The following HS3ST4 variants were observed in gnomAD, a reference collection of about 807,000 sequenced individuals.
HS3ST4 encodes heparan sulfate glucosamine 3-O-sulfotransferase 4.
In HS3ST4, 17 loss-of-function variants were observed where a neutral mutation model predicts 29.2. That is an observed-to-expected ratio of 0.58 (90% CI 0.40 to 0.87). The LOEUF is 0.87. Ranked by LOEUF, HS3ST4 falls within the 40% of genes least tolerant of loss-of-function variation. The pLI is 0.00. For missense variants in HS3ST4, 627 were observed against 634.5 expected, an observed-to-expected ratio of 0.99 and a Z score of 0.13; for synonymous variants, 314 against 285.7, an observed-to-expected ratio of 1.10 and a Z score of -1.00.
At chr16:25,749,926 A>G (rs1567232442) in intron 1 of HS3ST4, among the ~76,000 whole-genome samples, 1 of 152,210 alleles carries the variant, frequency 6.6e-6, no homozygotes, top group Non-Finnish European at 1.5e-5. Context: ...TATAACACAT[A>G]CTATTCTGGC....
chr16:25,765,710 A>G (rs868056270), intron 1 of HS3ST4, among the ~76,000 whole-genome samples: 1 of 152,216 alleles, frequency 6.6e-6, no homozygotes, highest in South Asian at 2.1e-4. Flanking sequence ...ACTTAGTCGC[A>G]TCACCTGCTA....
intron 1 of HS3ST4, among the ~76,000 whole-genome samples, chr16:25,709,900 G>A (rs1366857939): frequency 1.3e-5 from 2 of 152,090 alleles, no homozygotes; most frequent in Admixed American, 6.6e-5. Context: ...AAGGAATTGT[G>A]TATCTTACAA....
At chr16:25,779,401 G>A (rs76271578) in intron 1 of HS3ST4, among the ~76,000 whole-genome samples, 2,874 of 152,308 alleles carry the variant, frequency 0.019, 97 homozygotes, top group African/African-American at 0.064. Context: ...TGGCTGAGTA[G>A]GATCCAAGGC....
intron 1 of HS3ST4, among the ~76,000 whole-genome samples, chr16:25,913,346 C>T (rs1968258708): frequency 6.6e-6 from 1 of 152,232 alleles, no homozygotes; most frequent in African/African-American, 2.4e-5. Context: ...GATTCGTGCC[C>T]TTTTATGAAA....
At chr16:25,876,079 CT>C (rs1967829496) in intron 1 of HS3ST4, among the ~76,000 whole-genome samples, 5 of 152,108 alleles carry the variant, frequency 3.3e-5, no homozygotes, top group Non-Finnish European at 5.9e-5. Flanking sequence ...CCAATTTGAC[CT>C]AAAGTTCCTT....
chr16:26,056,311 A>G (rs1484758676), intron 1 of HS3ST4, among the ~76,000 whole-genome samples: 1 of 152,238 alleles, frequency 6.6e-6, no homozygotes, highest in Non-Finnish European at 1.5e-5. Flanking sequence ...TCAAAAAACC[A>G]TTGGTGCAAG....
At chr16:26,091,953 G>C (rs1181890969) in intron 1 of HS3ST4, among the ~76,000 whole-genome samples, 1 of 152,160 alleles carries the variant, frequency 6.6e-6, no homozygotes, top group African/African-American at 2.4e-5. Flanking sequence ...CCCTCCTGGG[G>C]CTTGACTTCT....
At chr16:25,896,967 G>C (rs1210664082) in intron 1 of HS3ST4, among the ~76,000 whole-genome samples, 4 of 152,170 alleles carry the variant, frequency 2.6e-5, no homozygotes, top group African/African-American at 9.7e-5. Flanking sequence ...ACGGAGTAAA[G>C]ATGGGAACAG....
intron 1 of HS3ST4, among the ~76,000 whole-genome samples, chr16:26,100,836 A>G (rs1017036760): frequency 3.9e-5 from 6 of 152,122 alleles, no homozygotes; most frequent in African/African-American, 1.4e-4. Context: ...ATCTTCTGTG[A>G]TCCTCTTGAT....
Position 25,850,571 on chromosome 16 carries a change from T to A in HS3ST4, c.734+157420T>A, listed in dbSNP as rs553912603. Among the ~76,000 whole-genome samples the A allele has an allele frequency of 5.3e-5, 8 of 152,314 alleles. No individual in the cohort carries two copies. In the South Asian group the frequency reaches 1.5e-3, roughly 28 times the overall value. The stretch of plus-strand genomic sequence containing the variant: ...CTTAACTAATTTTTTCCTGGATTCA[T>A]GGAAAAGAAAACAAAATTCAAATTT... On this transcript the variant is annotated intron_variant, in intron 1 of 1. Transcript: ENST00000331351.
chr16:26,046,460 G>A (rs1177750632), intron 1 of HS3ST4, among the ~76,000 whole-genome samples: 2 of 152,064 alleles, frequency 1.3e-5, no homozygotes, highest in Non-Finnish European at 2.9e-5. Context: ...CCAGGAAAAA[G>A]TTTTATTCAG....
chr16:26,015,822 G>C (rs1969357579), intron 1 of HS3ST4, among the ~76,000 whole-genome samples: 1 of 152,164 alleles, frequency 6.6e-6, no homozygotes, highest in Non-Finnish European at 1.5e-5. Flanking sequence ...TACTTCACAA[G>C]ATGTCTTTCC....
intron 1 of HS3ST4, among the ~76,000 whole-genome samples, chr16:25,916,286 G>T (rs1968291755): frequency 6.6e-6 from 1 of 152,114 alleles, no homozygotes; most frequent in South Asian, 2.1e-4. Context: ...CAAGTAACAT[G>T]CAATTGGAGA....
intron 1 of HS3ST4, among the ~76,000 whole-genome samples, chr16:25,745,555 A>C (rs1447853500): frequency 5.3e-5 from 8 of 152,188 alleles, no homozygotes; most frequent in Admixed American, 3.3e-4. Flanking sequence ...AATAACATTC[A>C]CAAAATTTAA....
chr16:26,112,968 C>T (rs905477731), intron 1 of HS3ST4, among the ~76,000 whole-genome samples: 1 of 152,250 alleles, frequency 6.6e-6, no homozygotes, highest in South Asian at 2.1e-4. Context: ...AACTCTTGCT[C>T]TTTTATGCCA....
At chr16:25,833,352 C>G (rs771180874) in intron 1 of HS3ST4, among the ~76,000 whole-genome samples, 1 of 152,072 alleles carries the variant, frequency 6.6e-6, no homozygotes, top group Non-Finnish European at 1.5e-5. Context: ...TTGGAGTCAA[C>G]CAAATCTGGA....
intron 1 of HS3ST4, among the ~76,000 whole-genome samples, chr16:25,749,481 G>A (rs1418066879): frequency 6.6e-6 from 1 of 152,018 alleles, no homozygotes; most frequent in Non-Finnish European, 1.5e-5. Context: ...GGCAATGGGA[G>A]TGAGATCCCA....
At chr16:25,749,802 G>A (rs1400357325) in intron 1 of HS3ST4, among the ~76,000 whole-genome samples, 3 of 152,102 alleles carry the variant, frequency 2.0e-5, no homozygotes, top group African/African-American at 7.2e-5. Context: ...GTTTTATTTT[G>A]ATGATTCTTC....
At chr16:25,903,114 A>T (rs1378253903) in intron 1 of HS3ST4, among the ~76,000 whole-genome samples, 1 of 151,808 alleles carries the variant, frequency 6.6e-6, no homozygotes, top group African/African-American at 2.4e-5. Context: ...TACTGGCTGG[A>T]AAGATTGCTG....
Sources: allele counts gnomAD v4.1 joint callset (sites outside exome capture counted in the v4.1 genomes callset), GRCh38; gene constraint gnomAD v4.1.1; transcripts MANE v1.5; gene names NCBI Gene and HGNC (gene_info 2026-07-23, HGNC 2026-07-21).